Variants in SPSB1 observed in about 807,000 individuals in gnomAD.
SPSB1 encodes splA/ryanodine receptor domain and SOCS box containing 1, also known as SPRY domain-containing SOCS box protein 1.
Under a neutral mutation model 21.2 loss-of-function variants are expected in SPSB1, and 8 were observed. That is an observed-to-expected ratio of 0.38 (90% confidence interval 0.22 to 0.68). The LOEUF is 0.68. SPSB1 is among the 30% of genes least tolerant of loss of function. The pLI, the probability that SPSB1 is intolerant of heterozygous loss-of-function variation, is 0.53. For missense variants in SPSB1, 242 were observed against 377.8 expected, an observed-to-expected ratio of 0.64 and a Z score of 2.98; for synonymous variants, 169 against 161.7, an observed-to-expected ratio of 1.05 and a Z score of -0.34.
At chr1:9,338,160 G>A (rs921096380) in intron 1 of SPSB1, among the ~76,000 whole-genome samples, 1 of 152,216 alleles carries the variant, frequency 6.6e-6, no homozygotes, top group Non-Finnish European at 1.5e-5. Context: ...CCCAGACCTG[G>A]AGACATGGAG....
rs1639637511 is a variant in SPSB1, at chr1:9,317,690, C to CT, written c.-150+24619_-150+24620insT. Among the ~76,000 whole-genome samples the CT allele has an allele frequency of 6.6e-6, 1 of 152,168 alleles. No homozygotes were observed. The highest frequency in any genetic ancestry group is 2.4e-5 in the African/African-American group (1 of 41,424). ...GTAGAGTTGGGGTTTCACCCTATTGCCAGGCTGGTCTCAAACTCCTGAGCT... is the reference window on the plus strand; with the variant it reads ...GTAGAGTTGGGGTTTCACCCTATTGCTCAGGCTGGTCTCAAACTCCTGAGCT... On this transcript the variant is annotated intron_variant, in intron 1 of 2. Coordinates refer to ENST00000328089, the MANE Select transcript of SPSB1 (RefSeq NM_025106.4). This position sits in a 1 kb window ranked among gnomAD's most constrained non-coding sequence, Gnocchi z 4.3.
At chr1:9,347,396 T>A (rs1217364786) in intron 1 of SPSB1, among the ~76,000 whole-genome samples, 1 of 151,548 alleles carries the variant, frequency 6.6e-6, no homozygotes, top group African/African-American at 2.4e-5. Flanking sequence ...AAAATCATTT[T>A]AGTTTGAAAA....
intron 1 of SPSB1, among the ~76,000 whole-genome samples, chr1:9,302,542 G>A (rs1323876599): frequency 6.6e-6 from 1 of 152,140 alleles, no homozygotes; most frequent in Non-Finnish European, 1.5e-5. Flanking sequence ...CCGGAGCTGG[G>A]ATGCTCTTCT....
Position 9,355,778 on chromosome 1 carries a change from C to G in SPSB1, c.-114C>G. ...ACACTGCGCAGCTTGCAGAGGTCTC[C>G]TGGCAGCCCTCATTAGGAATTCTGT... On this transcript the variant is annotated 5_prime_UTR_variant, in exon 2 of 3. Coordinates refer to ENST00000328089, the MANE Select transcript of SPSB1 (RefSeq NM_025106.4). 2.0e-6 allele frequency: 3 copies of G among 1,491,674 alleles called. No homozygotes were observed. Among genetic ancestry groups the G allele is most frequent in the Non-Finnish European group, 2.7e-6 (3 of 1,122,032 alleles). The allele number at this position is 1,491,674 out of a possible 1,614,324, so 92.4% of individuals were successfully genotyped here.
At chr1:9,319,667 G>C (rs908795903) in intron 1 of SPSB1, among the ~76,000 whole-genome samples, 2 of 152,216 alleles carry the variant, frequency 1.3e-5, no homozygotes, top group Non-Finnish European at 2.9e-5. Flanking sequence ...AGGATGCTGC[G>C]GGAGGCCAAG....
At chr1:9,334,417 C>T (rs1282819061) in intron 1 of SPSB1, among the ~76,000 whole-genome samples, 6 of 151,972 alleles carry the variant, frequency 3.9e-5, no homozygotes, top group African/African-American at 2.4e-5. Context: ...GACAGGGTTT[C>T]GCCATGTTGA....
At position 9,321,421 on chromosome 1, in the gene SPSB1, C is replaced by T. The variant is rs905598277; in HGVS notation, c.-150+28350C>T. 6.6e-5 allele frequency among the ~76,000 whole-genome samples: 10 copies of T among 152,096 alleles called. No individual in the cohort carries two copies. Among genetic ancestry groups the T allele is most frequent in the Non-Finnish European group, 1.5e-4 (10 of 68,020 alleles). Reference sequence around the variant, plus strand: ...AGAGAGCGGATCCTGTGTGATTTTACGGAACTTGTCCTGACCCGTTATTCG... The same window carrying T: ...AGAGAGCGGATCCTGTGTGATTTTATGGAACTTGTCCTGACCCGTTATTCG... On this transcript the variant is annotated intron_variant, in intron 1 of 2. Transcript: ENST00000328089. The surrounding 1 kb of genome is among the most constrained non-coding windows in gnomAD (Gnocchi z 4.8).
At position 9,345,100 on chromosome 1, in the gene SPSB1, C is replaced by T. The variant is rs1050067744; in HGVS notation, c.-149-10643C>T. On this transcript the variant is annotated intron_variant, in intron 1 of 2. Coordinates refer to ENST00000328089, the MANE Select transcript of SPSB1 (RefSeq NM_025106.4). The surrounding 1 kb of genome is among the most constrained non-coding windows in gnomAD (Gnocchi z 4.8). ...CAGGCAGCCCTGAACTCTGGAGTCC[C>T]ACAGGAGGCTAGGCTGGAGCGAGGC... 6.6e-6 allele frequency among the ~76,000 whole-genome samples: 1 copy of T among 152,190 alleles called. No homozygotes were observed. Among genetic ancestry groups the T allele is most frequent in the African/African-American group, 2.4e-5 (1 of 41,432 alleles).
chr1:9,298,403 TGAAC>T (rs199662217), intron 1 of SPSB1, among the ~76,000 whole-genome samples: 37,380 of 148,294 alleles, frequency 0.25, 4,837 homozygotes, highest in African/African-American at 0.29. Flanking sequence ...AATGAATGAG[TGAAC>T]GAATGAATGA....
chr1:9,316,697 G>A (rs572298054), intron 1 of SPSB1, among the ~76,000 whole-genome samples: 238 of 152,334 alleles, frequency 1.6e-3, no homozygotes, highest in African/African-American at 2.6e-3. Flanking sequence ...TTCCTGTGGC[G>A]CGGCACGGGC....
intron 1 of SPSB1, among the ~76,000 whole-genome samples, chr1:9,295,167 G>T (rs902992027): frequency 1.3e-4 from 20 of 151,954 alleles, no homozygotes; most frequent in African/African-American, 4.8e-4. Context: ...TTCTTCTGCA[G>T]GGAGCACTTT....
intron 1 of SPSB1, among the ~76,000 whole-genome samples, chr1:9,302,174 T>C (rs1213034737): frequency 6.6e-6 from 1 of 152,184 alleles, no homozygotes; most frequent in Non-Finnish European, 1.5e-5. Context: ...TTAAGTATGG[T>C]TTAAGAAGAT....
At position 9,321,591 on chromosome 1, in the gene SPSB1, T is replaced by TA. The variant is rs1639723130; in HGVS notation, c.-150+28521dup. 6.6e-6 allele frequency among the ~76,000 whole-genome samples: 1 copy of TA among 152,140 alleles called. No individual in the cohort carries two copies. Among genetic ancestry groups the TA allele is most frequent in the East Asian group, 1.9e-4 (1 of 5,178 alleles). On this transcript the variant is annotated intron_variant, in intron 1 of 2. Coordinates refer to ENST00000328089, the MANE Select transcript of SPSB1 (RefSeq NM_025106.4). The surrounding 1 kb of genome is among the most constrained non-coding windows in gnomAD (Gnocchi z 4.8). The stretch of plus-strand genomic sequence containing the variant: ...TGAGTCAGTGAGGGAGACCGATGCA[T>TA]AGGCAGCTCGCTAATGCTGTGTTTC...
intron 2 of SPSB1, among the ~76,000 whole-genome samples, chr1:9,357,981 T>A (rs1286653678): frequency 6.6e-6 from 1 of 152,150 alleles, no homozygotes; most frequent in Non-Finnish European, 1.5e-5. Flanking sequence ...CTCAGCACCC[T>A]GAGCTCTAAC....
intron 1 of SPSB1, among the ~76,000 whole-genome samples, chr1:9,349,976 C>T (rs1640230169): frequency 6.6e-6 from 1 of 151,980 alleles, no homozygotes; most frequent in Non-Finnish European, 1.5e-5. Flanking sequence ...CAGACACAGG[C>T]AGACACGACA....
intron 1 of SPSB1, among the ~76,000 whole-genome samples, chr1:9,307,507 G>T (rs777679509): frequency 3.3e-5 from 5 of 152,184 alleles, no homozygotes; most frequent in Non-Finnish European, 7.3e-5. Context: ...GGCCTTCTGC[G>T]TCTGACTTCT....
In SPSB1 at chr1:9,345,410, A is replaced by T. The variant is rs1195387580; in HGVS notation, c.-149-10333A>T. 6.6e-6 allele frequency among the ~76,000 whole-genome samples: 1 copy of T among 151,662 alleles called. No homozygotes were observed. The highest frequency in any genetic ancestry group is 2.4e-5 in the African/African-American group (1 of 41,238). ...GATGGGCCCAGTGTGTTACCCGCCGAGGCTAGGCAGTGTCGGTGGTCCATA... is the reference window on the plus strand; with the variant it reads ...GATGGGCCCAGTGTGTTACCCGCCGTGGCTAGGCAGTGTCGGTGGTCCATA... On this transcript the variant is annotated intron_variant, in intron 1 of 2. Transcript: ENST00000328089. The surrounding 1 kb of genome is among the most constrained non-coding windows in gnomAD (Gnocchi z 4.8).
At chr1:9,300,327 G>A (rs528098438) in intron 1 of SPSB1, among the ~76,000 whole-genome samples, 1 of 152,296 alleles carries the variant, frequency 6.6e-6, no homozygotes, top group South Asian at 2.1e-4. Context: ...TCACCCTAAC[G>A]CTTCTAGTTT....
At chr1:9,328,384 G>A (rs1037223049) in intron 1 of SPSB1, among the ~76,000 whole-genome samples, 5 of 152,178 alleles carry the variant, frequency 3.3e-5, no homozygotes, top group Admixed American at 2.0e-4. Flanking sequence ...TCTGTCCTGC[G>A]GGACTTCTCA....
Sources: gnomAD v4.1 joint callset for allele counts (sites outside exome capture counted in the v4.1 genomes callset) on GRCh38, gnomAD v4.1.1 for gene constraint, Gnocchi (gnomAD v3.1) non-coding constraint, MANE v1.5 for transcripts, NCBI Gene and HGNC (gene_info 2026-07-23, HGNC 2026-07-21) for gene names.